MED6: variants seen among roughly 807,000 people sequenced by gnomAD.
The protein encoded by MED6 is mediator complex subunit 6.
In MED6, 33 loss-of-function variants were observed where a neutral mutation model predicts 37.5. The observed-to-expected ratio is 0.88, with a 90% confidence interval of 0.67 to 1.18. The LOEUF is 1.18. Among genes scored for constraint, MED6 ranks in the 50% most tolerant of loss-of-function variants. The pLI, the probability that MED6 is intolerant of heterozygous loss-of-function variation, is 0.00. For missense variants in MED6, 235 were observed against 290.6 expected (o/e 0.81, Z 1.39); for synonymous variants, 94 against 93.6 (o/e 1.00, Z -0.02).
intron 6 of MED6, among the ~76,000 whole-genome samples, chr14:70,586,616 C>T (rs954177357): frequency 2.0e-5 from 3 of 152,176 alleles, no homozygotes; most frequent in African/African-American, 7.2e-5. Context: ...AAAACAGTCT[C>T]TTCACTTCTA....
intron 3 of MED6, chr14:70,595,279 C>T: frequency 1.8e-6 from 1 of 548,640 alleles, no homozygotes; most frequent in South Asian, 1.4e-5. Context: ...AGGACCTCGC[C>T]AAGATCACAG....
chr14:70,591,381 T>A lies in MED6; in HGVS notation c.467A>T (p.Asp156Val). Residue 156 changes from aspartate (D) to valine (V), a missense_variant and splice_region_variant, in exon 6 of 8, where the codon GAT becomes GTT. Asp to Val is a radical substitution (Grantham distance 152). Transcript: ENST00000256379. ...WWHFKDHEEQ[D>V]KVRPKAKRKE... The stretch of plus-strand genomic sequence containing the variant: ...CCTTTTGGCTTTAGGTCTGACTTTA[T>A]CTATTAAAATACGAAGTCCAAATCA... 4.4e-6 allele frequency: 7 copies of A among 1,596,360 alleles called. No individual in the cohort carries two copies. Among genetic ancestry groups the A allele is most frequent in the Non-Finnish European group, 5.1e-6 (6 of 1,173,970 alleles).
intron 4 of MED6, 35 bp downstream of exon 4, chr14:70,593,261 T>C: frequency 6.4e-7 from 1 of 1,560,208 alleles, no homozygotes; most frequent in South Asian, 1.1e-5. Context: ...AATTAAAAGT[T>C]TTCTTTAGTG....
intron 6 of MED6, among the ~76,000 whole-genome samples, chr14:70,587,344 T>C (rs1362695167): frequency 6.6e-6 from 1 of 152,224 alleles, no homozygotes; most frequent in Non-Finnish European, 1.5e-5. Flanking sequence ...CTGAGTCCTC[T>C]GAGTCCTGCT....
At chr14:70,600,345 G>A (rs1399299452) in intron 1 of MED6, among the ~76,000 whole-genome samples, 1 of 151,698 alleles carries the variant, frequency 6.6e-6, no homozygotes, top group East Asian at 1.9e-4. Context: ...AGAGATACGT[G>A]TGTAGAACAA....
intron 7 of MED6, among the ~76,000 whole-genome samples, chr14:70,585,427 T>TA (rs1298648403): frequency 2.0e-5 from 3 of 151,932 alleles, no homozygotes; most frequent in Non-Finnish European, 4.4e-5. Flanking sequence ...AGATTAAGAG[T>TA]AAAAAACTAC....
chr14:70,594,680 C>T (rs1027351001), intron 3 of MED6: 1 of 455,266 alleles, frequency 2.2e-6, no homozygotes, highest in South Asian at 1.9e-5. Context: ...GCTCTGGTTC[C>T]CAGATCTCCG....
intron 6 of MED6, among the ~76,000 whole-genome samples, chr14:70,590,644 G>A (rs190749657): frequency 2.0e-5 from 3 of 152,336 alleles, no homozygotes; most frequent in Non-Finnish European, 2.9e-5. Flanking sequence ...CATGAGAACA[G>A]CATATTCATC....
At chr14:70,600,305 A>G (rs1885167871) in intron 1 of MED6, among the ~76,000 whole-genome samples, 1 of 151,970 alleles carries the variant, frequency 6.6e-6, no homozygotes, top group Non-Finnish European at 1.5e-5. Context: ...CCATTCCTTC[A>G]CTCCAATAGA....
intron 3 of MED6, chr14:70,595,898 C>A: frequency 1.8e-6 from 1 of 544,478 alleles, no homozygotes; most frequent in Non-Finnish European, 3.3e-6. Flanking sequence ...AAAAACAAAA[C>A]AAAATTACTT....
At chr14:70,599,053 T>C (rs1310901473) in intron 1 of MED6, among the ~76,000 whole-genome samples, 1 of 152,234 alleles carries the variant, frequency 6.6e-6, no homozygotes, top group South Asian at 2.1e-4. Context: ...TGATGCTTCA[T>C]ACCACTGACT....
intron 2 of MED6, 45 bp from the exon 3 acceptor site, chr14:70,596,747 A>C: frequency 7.5e-7 from 1 of 1,327,322 alleles, no homozygotes; most frequent in Non-Finnish European, 1.1e-6. Flanking sequence ...AACGCCCTAC[A>C]AATAATTTTA....
At chr14:70,593,578 T>C (rs1008222136) in intron 3 of MED6, among the ~76,000 whole-genome samples, 200 bp from the exon 4 acceptor site, 7 of 152,232 alleles carry the variant, frequency 4.6e-5, no homozygotes, top group African/African-American at 1.7e-4. Flanking sequence ...TAATTGAGCA[T>C]TGTCACAGAG....
intron 7 of MED6, among the ~76,000 whole-genome samples, 193 bp downstream of exon 7, chr14:70,585,563 T>G (rs940095279): frequency 1.3e-5 from 2 of 151,882 alleles, no homozygotes; most frequent in African/African-American, 2.4e-5. Flanking sequence ...GACTTTTTTT[T>G]TTTTTTCAGC....
Position 70,584,766 on chromosome 14 carries a change from T to C in MED6, c.*47A>G. 6.3e-7 allele frequency: 1 copy of C among 1,596,136 alleles called. No homozygotes were observed. Among genetic ancestry groups the C allele is most frequent in the Non-Finnish European group, 8.5e-7 (1 of 1,173,590 alleles). On this transcript the variant is annotated 3_prime_UTR_variant, in exon 8 of 8. Transcript: ENST00000256379. ...GCTCAAGAGCCACAGTACTGAGGTA[T>C]GATAACTAGCATGAGGAGTCTTCCA...
intron 6 of MED6, among the ~76,000 whole-genome samples, chr14:70,589,564 G>A (rs1017853450): frequency 2.6e-5 from 4 of 152,066 alleles, no homozygotes; most frequent in Non-Finnish European, 5.9e-5. Flanking sequence ...ATTTCTCCTG[G>A]TTTGGTCTGC....
At chr14:70,595,603 G>A in intron 3 of MED6, 1 of 749,622 alleles carries the variant, frequency 1.3e-6, no homozygotes, top group Non-Finnish European at 2.3e-6. Context: ...GGGGCAGAGA[G>A]GCAGCACCAG....
rs1480796632 is a variant in MED6, at chr14:70,596,600, A to G, written c.274+11T>C. 1 of 1,594,176 alleles carries G rather than the reference A, an allele frequency of 6.3e-7. No individual in the cohort carries two copies. Among genetic ancestry groups the G allele is most frequent in the East Asian group, 2.2e-5 (1 of 44,796 alleles). The stretch of plus-strand genomic sequence containing the variant: ...AAAAAGAAAACAATGCCTAAAGTTT[A>G]CACATTTTACCTTGGGCAGGGGACT... On this transcript the variant is annotated intron_variant, in intron 3 of 7. Coordinates refer to ENST00000256379, the MANE Select transcript of MED6 (RefSeq NM_005466.4).
At chr14:70,600,451 A>C (rs1295377633) in intron 1 of MED6, among the ~76,000 whole-genome samples, 165 bp downstream of exon 1, 2 of 151,622 alleles carry the variant, frequency 1.3e-5, no homozygotes, top group East Asian at 1.9e-4. Context: ...AAAAAAAAAA[A>C]ACTCGTCAAC....
Sources: allele counts gnomAD v4.1 joint callset (sites outside exome capture counted in the v4.1 genomes callset), GRCh38; gene constraint gnomAD v4.1.1; transcripts MANE v1.5; gene names NCBI Gene and HGNC (gene_info 2026-07-23, HGNC 2026-07-21).